The following GABRB1 variants were observed in gnomAD, a reference collection of about 807,000 sequenced individuals.
GABRB1 encodes gamma-aminobutyric acid receptor subunit beta-1.
A neutral mutation model predicts 51.6 loss-of-function variants in GABRB1; 17 were observed. The ratio of observed to expected loss-of-function variants is 0.33; its 90% CI spans 0.23 to 0.49. The LOEUF is 0.49. GABRB1 is among the 20% of genes least tolerant of loss of function. GABRB1 has a pLI of 0.99. For missense variants in GABRB1, 410 were observed against 600.6 expected (o/e 0.68, Z 3.32); for synonymous variants, 247 against 218.9 (o/e 1.13, Z -1.14).
At position 47,267,620 on chromosome 4, in the gene GABRB1, C is replaced by T. The variant is rs143798775; in HGVS notation, c.462-52507C>T. The stretch of plus-strand genomic sequence containing the variant: ...GACAAGCCTGGCCAACAATGCAAAA[C>T]CCCATCTCTACTGAAAATATAAAAA... On this transcript the variant is annotated intron_variant, in intron 4 of 8. Transcript: ENST00000295454. Among the ~76,000 whole-genome samples the T allele has an allele frequency of 8.5e-3, 1,299 of 152,090 alleles. 4 individuals are homozygous for T. Among genetic ancestry groups the T allele is most frequent in the Middle Eastern group, 0.014 (4 of 294 alleles).
chr4:47,067,924 A>G (rs1727156979), intron 3 of GABRB1, among the ~76,000 whole-genome samples: 1 of 151,812 alleles, frequency 6.6e-6, no homozygotes, highest in Non-Finnish European at 1.5e-5. Context: ...GTTTACCCCT[A>G]TGTGTCCATG....
intron 3 of GABRB1, among the ~76,000 whole-genome samples, chr4:47,089,708 T>C (rs1728219267): frequency 6.6e-6 from 1 of 152,200 alleles, no homozygotes; most frequent in Non-Finnish European, 1.5e-5. Context: ...AGATAATAAA[T>C]GATCAGATTT....
At chr4:47,290,969 G>A (rs1723703507) in intron 4 of GABRB1, among the ~76,000 whole-genome samples, 1 of 152,226 alleles carries the variant, frequency 6.6e-6, no homozygotes, top group East Asian at 1.9e-4. Flanking sequence ...CAAGCTGGCT[G>A]CAGAAATTTG....
intron 1 of GABRB1, among the ~76,000 whole-genome samples, chr4:46,998,631 G>A (rs551754615): frequency 2.0e-5 from 3 of 151,564 alleles, no homozygotes; most frequent in Non-Finnish European, 4.4e-5. Context: ...CTACTCGGGA[G>A]GCTGAGGCAG....
Position 47,246,031 on chromosome 4 carries a change from T to C in GABRB1, c.462-74096T>C, listed in dbSNP as rs1437634000. 4.6e-5 allele frequency among the ~76,000 whole-genome samples: 7 copies of C among 150,674 alleles called. No individual in the cohort carries two copies. In the East Asian group the frequency reaches 1.4e-3, roughly 30 times the overall value. The stretch of plus-strand genomic sequence containing the variant: ...CACCCATCATCCAAGCAGTATACAC[T>C]GCACCATATTTGTAGTCTTTTATCC... On this transcript the variant is annotated intron_variant, in intron 4 of 8. Transcript: ENST00000295454.
intron 4 of GABRB1, among the ~76,000 whole-genome samples, chr4:47,247,814 C>A (rs1184227136): frequency 6.6e-6 from 1 of 151,952 alleles, no homozygotes; most frequent in Non-Finnish European, 1.5e-5. Flanking sequence ...ATTTGATTCT[C>A]TGCTTGGTCG....
chr4:47,383,167 T>C (rs1382002947), intron 5 of GABRB1, among the ~76,000 whole-genome samples: 3 of 152,216 alleles, frequency 2.0e-5, no homozygotes, highest in Non-Finnish European at 4.4e-5. Flanking sequence ...CATAGCCTCC[T>C]AGTTGCTAAG....
intron 4 of GABRB1, among the ~76,000 whole-genome samples, chr4:47,261,275 C>A (rs1722425942): frequency 6.6e-6 from 1 of 152,140 alleles, no homozygotes; most frequent in South Asian, 2.1e-4. Flanking sequence ...TTGCAGATGA[C>A]ATGATTGTAT....
At chr4:47,352,766 T>A (rs1196502796) in intron 5 of GABRB1, among the ~76,000 whole-genome samples, 2 of 152,232 alleles carry the variant, frequency 1.3e-5, no homozygotes, top group Non-Finnish European at 2.9e-5. Context: ...TTTGCACATT[T>A]GGGTTTGCTT....
chr4:47,157,166 G>T (rs1717744312), intron 3 of GABRB1, among the ~76,000 whole-genome samples: 1 of 151,052 alleles, frequency 6.6e-6, no homozygotes, highest in Non-Finnish European at 1.5e-5. Flanking sequence ...ATGGCCCACA[G>T]TTTCTAAATA....
Position 47,051,988 on chromosome 4 carries a change from G to T in GABRB1, c.240+19504G>T, listed in dbSNP as rs189388102. On this transcript the variant is annotated intron_variant, in intron 3 of 8. Coordinates refer to ENST00000295454, the MANE Select transcript of GABRB1 (RefSeq NM_000812.4). ...TACTAAAAATACAAAAGTCAGCCGG[G>T]TGTGGTGTCACACACCTGTAATTTC... Among the ~76,000 whole-genome samples, 1,009 of 152,200 alleles carry T rather than the reference G, an allele frequency of 6.6e-3. 7 individuals carry two copies. The highest frequency in any genetic ancestry group is 0.012 in the Non-Finnish European group (822 of 68,022).
intron 4 of GABRB1, among the ~76,000 whole-genome samples, chr4:47,315,181 G>C (rs1411800123): frequency 6.6e-6 from 1 of 151,588 alleles, no homozygotes; most frequent in African/African-American, 2.4e-5. Flanking sequence ...AGAACTTAAA[G>C]AAATCAACAA....
intron 4 of GABRB1, among the ~76,000 whole-genome samples, chr4:47,211,123 A>G (rs73144183): frequency 0.021 from 3,160 of 152,208 alleles, 107 homozygotes; most frequent in African/African-American, 0.072. Context: ...CGTTACCAGA[A>G]CCCACTTGCC....
At chr4:47,026,518 T>C (rs1655486544) in intron 1 of GABRB1, among the ~76,000 whole-genome samples, 1 of 152,080 alleles carries the variant, frequency 6.6e-6, no homozygotes, top group South Asian at 2.1e-4. Flanking sequence ...ATGGCAACAC[T>C]TTTTAAATGA....
At chr4:47,060,066 A>T (rs1044549854) in intron 3 of GABRB1, among the ~76,000 whole-genome samples, 1 of 152,236 alleles carries the variant, frequency 6.6e-6, no homozygotes, top group Admixed American at 6.5e-5. Flanking sequence ...CCAAATAAAT[A>T]CACTTGAATG....
At chr4:47,218,170 T>C (rs1390168871) in intron 4 of GABRB1, among the ~76,000 whole-genome samples, 1 of 151,930 alleles carries the variant, frequency 6.6e-6, no homozygotes, top group East Asian at 1.9e-4. Context: ...CAGGATTTCA[T>C]TTATTTTTAT....
intron 5 of GABRB1, among the ~76,000 whole-genome samples, chr4:47,357,024 A>G (rs1726608098): frequency 6.6e-6 from 1 of 152,228 alleles, no homozygotes; most frequent in Non-Finnish European, 1.5e-5. Flanking sequence ...GCCAGTGGTC[A>G]CTTTGATGCT....
chr4:47,191,880 T>C (rs1322656715), intron 4 of GABRB1, among the ~76,000 whole-genome samples: 1 of 152,100 alleles, frequency 6.6e-6, no homozygotes, highest in Admixed American at 6.6e-5. Context: ...CTCTTGTAAT[T>C]GGAAAACCCA....
intron 3 of GABRB1, among the ~76,000 whole-genome samples, chr4:47,144,714 C>T (rs754506294): frequency 2.6e-5 from 4 of 151,828 alleles, no homozygotes; most frequent in South Asian, 2.1e-4. Context: ...CTTATACTCT[C>T]ATCATGATAC....
Sources: allele counts gnomAD v4.1 joint callset (sites outside exome capture counted in the v4.1 genomes callset), GRCh38; gene constraint gnomAD v4.1.1; transcripts MANE v1.5; gene names NCBI Gene and HGNC (gene_info 2026-07-23, HGNC 2026-07-21).